The following UBR3 variants were observed in gnomAD, a reference collection of about 807,000 sequenced individuals.
UBR3 encodes E3 ubiquitin-protein ligase UBR3.
Under a neutral mutation model 243.2 loss-of-function variants are expected in UBR3, and 85 were observed. The observed-to-expected ratio is 0.35, with a 90% CI of 0.29 to 0.42. UBR3 has a LOEUF of 0.42. UBR3 is among the 10% of genes least tolerant of loss of function. UBR3 has a pLI of 1.00. For synonymous variants in UBR3, 748 were observed against 799.8 expected, an observed-to-expected ratio of 0.94 and a Z score of 1.09; for missense variants, 1,686 against 2,300.8, an observed-to-expected ratio of 0.73 and a Z score of 5.47.
At chr2:170,041,721 A>G (rs16857515) in intron 32 of UBR3, among the ~76,000 whole-genome samples, 16,998 of 152,238 alleles carry the variant, frequency 0.11, 1,195 homozygotes, top group Admixed American at 0.19. Flanking sequence ...TAGAATGAAC[A>G]TCTATGGGTG....
chr2:169,827,513 G>C lies in UBR3; in HGVS notation c.6G>C (p.Ala2=). Residue 2 remains alanine (A), a synonymous_variant, in exon 1 of 39, where the codon GCG becomes GCC. Transcript: ENST00000272793. ...CCAAATTCTGAGCTCTCATCATGGC[G>C]GCGGCGGCCGCGGCGGCCGTCGGGG... The part of the protein sequence containing the change: M[A]AAAAAAVGGQ... 1 of 1,229,744 alleles carries C rather than the reference G, an allele frequency of 8.1e-7. No individual in the cohort carries two copies. The allele number at this position is 1,229,744 out of a possible 1,614,324, so 76.2% of individuals were successfully genotyped here.
chr2:169,833,748 A>C (rs2082005951), intron 1 of UBR3, among the ~76,000 whole-genome samples: 1 of 152,088 alleles, frequency 6.6e-6, no homozygotes, highest in Non-Finnish European at 1.5e-5. Context: ...TTATGTGTTT[A>C]AAAGAGATTA....
chr2:169,841,810 C>T (rs535148611), intron 1 of UBR3, among the ~76,000 whole-genome samples: 22 of 152,388 alleles, frequency 1.4e-4, no homozygotes, highest in African/African-American at 4.3e-4. Flanking sequence ...ATGCCTAAGC[C>T]TCCCACCCAC....
intron 2 of UBR3, among the ~76,000 whole-genome samples, chr2:169,872,723 T>C: frequency 6.6e-6 from 1 of 152,076 alleles, no homozygotes; most frequent in East Asian, 1.9e-4. Context: ...AATGTTTAAA[T>C]TTAACTTAGA....
intron 5 of UBR3, among the ~76,000 whole-genome samples, chr2:169,882,390 A>C (rs2083923984): frequency 7.1e-6 from 1 of 141,634 alleles, no homozygotes; most frequent in Non-Finnish European, 1.5e-5. Context: ...ATATATAAAA[A>C]TATATATATA....
At chr2:170,063,145 T>C (rs1029100826) in intron 35 of UBR3, among the ~76,000 whole-genome samples, 5 of 152,150 alleles carry the variant, frequency 3.3e-5, no homozygotes, top group Non-Finnish European at 7.4e-5. Context: ...TAGAAGAGGC[T>C]GGAGAGCGAT....
Position 169,909,845 on chromosome 2 carries a change from T to C in UBR3, c.1779+3681T>C, listed in dbSNP as rs191887744. Among the ~76,000 whole-genome samples the C allele has an allele frequency of 3.9e-3, 590 of 152,216 alleles. 5 individuals carry two copies. The highest frequency in any genetic ancestry group is 6.8e-3 in the Middle Eastern group (2 of 294). ...ACATGCTGTGACAATAGTCTAAACA[T>C]GAAATTCAGGTAGCATATATTTGAT... On this transcript the variant is annotated intron_variant, in intron 10 of 38. Coordinates refer to ENST00000272793, the MANE Select transcript of UBR3 (RefSeq NM_172070.4).
At chr2:170,071,163 G>A (rs747272343) in intron 35 of UBR3, among the ~76,000 whole-genome samples, 10 of 152,076 alleles carry the variant, frequency 6.6e-5, no homozygotes, top group Non-Finnish European at 1.0e-4. Flanking sequence ...GAAAAAGTTT[G>A]GCAGTTTTTA....
At chr2:169,845,320 A>G (rs1307893282) in intron 1 of UBR3, among the ~76,000 whole-genome samples, 1 of 151,234 alleles carries the variant, frequency 6.6e-6, no homozygotes, top group Non-Finnish European at 1.5e-5. Flanking sequence ...CTACTCAGAA[A>G]GCTGAGGTAG....
chr2:170,024,198 C>CA (rs1166995887), intron 30 of UBR3, among the ~76,000 whole-genome samples: 16 of 151,310 alleles, frequency 1.1e-4, no homozygotes, highest in South Asian at 2.1e-4. Context: ...ACTAAAAATA[C>CA]AAAAAATTAG....
intron 4 of UBR3, among the ~76,000 whole-genome samples, chr2:169,878,155 G>A (rs1336825674): frequency 6.6e-6 from 1 of 152,142 alleles, no homozygotes; most frequent in Non-Finnish European, 1.5e-5. Context: ...GAGGTCGGGA[G>A]TTTTGAGGCC....
At chr2:169,829,132 A>G (rs1465118398) in intron 1 of UBR3, among the ~76,000 whole-genome samples, 2 of 152,224 alleles carry the variant, frequency 1.3e-5, no homozygotes, top group African/African-American at 4.8e-5. Flanking sequence ...ATCTTTTTAT[A>G]AATGGTCACC....
intron 1 of UBR3, among the ~76,000 whole-genome samples, chr2:169,828,741 A>G (rs2081830637): frequency 1.3e-5 from 2 of 152,326 alleles, no homozygotes; most frequent in Admixed American, 1.3e-4. Context: ...CCTCCATACC[A>G]GGAGAACAAA....
intron 10 of UBR3, among the ~76,000 whole-genome samples, chr2:169,909,831 CAAT>C (rs1307225097): frequency 6.6e-6 from 1 of 151,764 alleles, no homozygotes; most frequent in Non-Finnish European, 1.5e-5. Context: ...CATGCTGTGA[CAAT>C]AGTCTAAACA....
rs2091938194 is a variant in UBR3, at chr2:170,083,549, AG to A, written c.*1707del. 1 of 152,632 alleles carries A rather than the reference AG, an allele frequency of 6.6e-6. No individual in the cohort carries two copies. The highest frequency in any genetic ancestry group is 1.5e-5 in the Non-Finnish European group (1 of 68,010). The allele number at this position is 152,632 out of a possible 1,614,324, so 9.5% of individuals were successfully genotyped here. On this transcript the variant is annotated 3_prime_UTR_variant, in exon 39 of 39. Coordinates refer to ENST00000272793, the MANE Select transcript of UBR3 (RefSeq NM_172070.4). Reference sequence around the variant, plus strand: ...AGACCATTTGTAAGTGTGGTTGAAGAGCAAAATGCTAATTGACATCTCTAGT... The same window carrying A: ...AGACCATTTGTAAGTGTGGTTGAAGACAAAATGCTAATTGACATCTCTAGT...
At chr2:169,865,372 C>A (rs962563058) in intron 1 of UBR3, among the ~76,000 whole-genome samples, 2 of 152,136 alleles carry the variant, frequency 1.3e-5, no homozygotes, top group African/African-American at 4.8e-5. Context: ...GTCAGTCTTA[C>A]AGTATATTAC....
intron 23 of UBR3, among the ~76,000 whole-genome samples, chr2:169,954,525 G>A (rs1202792605): frequency 6.6e-6 from 1 of 151,216 alleles, no homozygotes. Context: ...TAACAGGCAT[G>A]AGCCGCTGCT....
intron 1 of UBR3, among the ~76,000 whole-genome samples, chr2:169,835,672 C>G (rs1253118805): frequency 1.3e-5 from 2 of 152,056 alleles, no homozygotes; most frequent in Non-Finnish European, 2.9e-5. Flanking sequence ...AACTCCTGAC[C>G]TCAGGCAATC....
intron 24 of UBR3, among the ~76,000 whole-genome samples, chr2:169,976,600 A>G (rs747076526): frequency 2.6e-5 from 4 of 152,134 alleles, no homozygotes; most frequent in East Asian, 3.9e-4. Flanking sequence ...TTACTGGCCT[A>G]TAAGGTTTTT....
Sources: gnomAD v4.1 joint callset for allele counts (sites outside exome capture counted in the v4.1 genomes callset) on GRCh38, gnomAD v4.1.1 for gene constraint, MANE v1.5 for transcripts, NCBI Gene and HGNC (gene_info 2026-07-23, HGNC 2026-07-21) for gene names.